The following SLC26A7 variants were observed in gnomAD, a reference collection of about 807,000 sequenced individuals.
SLC26A7 encodes the protein solute carrier family 26 member 7.
In SLC26A7, 59 loss-of-function variants were observed where a neutral mutation model predicts 82.5. The observed-to-expected ratio is 0.72, with a 90% CI of 0.58 to 0.89. The LOEUF (loss-of-function observed/expected upper bound fraction) is 0.89. Ranked by LOEUF, SLC26A7 falls within the 40% of genes least tolerant of loss-of-function variation. SLC26A7 has a pLI of 0.00. For missense variants in SLC26A7, 820 were observed against 793.0 expected, an observed-to-expected ratio of 1.03 and a Z score of -0.41; for synonymous variants, 271 against 274.3, an observed-to-expected ratio of 0.99 and a Z score of 0.12.
At chr8:91,341,093 C>T (rs910771510) in intron 8 of SLC26A7, among the ~76,000 whole-genome samples, 5 of 151,730 alleles carry the variant, frequency 3.3e-5, no homozygotes, top group African/African-American at 9.7e-5. Flanking sequence ...CCCACTAACT[C>T]GTCATCTAGC....
chr8:91,389,240 TA>T, intron 15 of SLC26A7, 97 bp from the exon 16 acceptor site: 3 of 759,904 alleles, frequency 3.9e-6, no homozygotes, highest in Non-Finnish European at 6.9e-6. Flanking sequence ...TTACTGTTGT[TA>T]AACATGAGGC....
rs578151183 is a variant in SLC26A7, at chr8:91,318,473, A to G, written c.642+93A>G. 3.9e-5 allele frequency: 46 copies of G among 1,169,848 alleles called. No homozygotes were observed. The African/African-American group carries it at 5.5e-4, about 14-fold the overall frequency. 72.5% of individuals were successfully genotyped at this position (1,169,848 alleles called of 1,614,324 possible). ...AATTATAGTACTGAGATTTTTCTGT[A>G]TTAAAGCAACTTGGGTTTAAATAAA... is the stretch of plus-strand genomic sequence containing the variant. On this transcript the variant is annotated intron_variant, in intron 5 of 18. Transcript: ENST00000276609.
intron 4 of SLC26A7, among the ~76,000 whole-genome samples, chr8:91,312,996 C>A (rs964802081): frequency 6.6e-6 from 1 of 151,992 alleles, no homozygotes; most frequent in Non-Finnish European, 1.5e-5. Context: ...AAAGTTTTCA[C>A]GAAGCCCAAT....
At chr8:91,358,779 T>C (rs967100128) in intron 11 of SLC26A7, among the ~76,000 whole-genome samples, 2 of 152,214 alleles carry the variant, frequency 1.3e-5, no homozygotes, top group East Asian at 3.9e-4. Context: ...ATGTCCTTTG[T>C]AGGGACATGG....
chr8:91,373,801 A>G (rs79945215), intron 15 of SLC26A7, among the ~76,000 whole-genome samples: 5,132 of 152,096 alleles, frequency 0.034, 309 homozygotes, highest in African/African-American at 0.12. Flanking sequence ...TGAGCTTGGC[A>G]CTAGCTCTTC....
intron 9 of SLC26A7, among the ~76,000 whole-genome samples, chr8:91,350,181 GA>G (rs1178143627): frequency 1.3e-5 from 2 of 152,048 alleles, no homozygotes; most frequent in Non-Finnish European, 2.9e-5. Context: ...TGCCAACAGG[GA>G]AAGGCCTTGA....
intron 4 of SLC26A7, among the ~76,000 whole-genome samples, chr8:91,305,877 C>T (rs1432095734): frequency 6.6e-6 from 1 of 152,080 alleles, no homozygotes; most frequent in Non-Finnish European, 1.5e-5. Flanking sequence ...TCCTGTTATA[C>T]CAACACTTTA....
intron 1 of SLC26A7, among the ~76,000 whole-genome samples, chr8:91,217,050 C>T (rs1382981689): frequency 6.6e-6 from 1 of 152,070 alleles, no homozygotes; most frequent in Non-Finnish European, 1.5e-5. Flanking sequence ...TATGGTGTCT[C>T]CTGTCTCTGC....
chr8:91,266,387 G>C (rs1811113475), intron 2 of SLC26A7, among the ~76,000 whole-genome samples: 1 of 151,398 alleles, frequency 6.6e-6, no homozygotes, highest in Admixed American at 6.6e-5. Flanking sequence ...CCTTTTATTT[G>C]GGTCTTCTTC....
intron 9 of SLC26A7, among the ~76,000 whole-genome samples, chr8:91,346,873 T>C (rs1813577854): frequency 6.6e-6 from 1 of 152,176 alleles, no homozygotes; most frequent in Non-Finnish European, 1.5e-5. Flanking sequence ...TGAGGCTGCC[T>C]TTCCCTTCCT....
At chr8:91,313,086 T>C (rs895495142) in intron 4 of SLC26A7, among the ~76,000 whole-genome samples, 1 of 152,178 alleles carries the variant, frequency 6.6e-6, no homozygotes, top group African/African-American at 2.4e-5. Context: ...ATGCTTTTGC[T>C]CCATGTTTTC....
chr8:91,227,838 CGTT>C (rs1195476647), intron 2 of SLC26A7, among the ~76,000 whole-genome samples: 2 of 152,102 alleles, frequency 1.3e-5, no homozygotes, highest in East Asian at 1.9e-4. Flanking sequence ...TTGAAACTCT[CGTT>C]GGTATTTCTT....
chr8:91,320,301 G>T (rs1812756492), intron 5 of SLC26A7, among the ~76,000 whole-genome samples: 1 of 152,094 alleles, frequency 6.6e-6, no homozygotes, highest in African/African-American at 2.4e-5. Context: ...AAACTTTACG[G>T]TGAAACGGAA....
intron 2 of SLC26A7, among the ~76,000 whole-genome samples, chr8:91,259,698 C>A (rs1392602055): frequency 6.6e-6 from 1 of 152,050 alleles, no homozygotes; most frequent in Non-Finnish European, 1.5e-5. Flanking sequence ...GGTATTTCCT[C>A]TAAAATGAAT....
chr8:91,322,296 A>G (rs1022478814), intron 5 of SLC26A7, among the ~76,000 whole-genome samples: 2 of 152,100 alleles, frequency 1.3e-5, no homozygotes, highest in South Asian at 2.1e-4. Flanking sequence ...TTCAACTCAA[A>G]TCTCCCTCAG....
At chr8:91,299,239 T>C (rs530286217) in intron 4 of SLC26A7, among the ~76,000 whole-genome samples, 1 of 152,306 alleles carries the variant, frequency 6.6e-6, no homozygotes, top group Admixed American at 6.5e-5. Flanking sequence ...GTTGAAAGTA[T>C]TTCCTTCTAA....
chr8:91,290,646 A>G (rs1811838893), intron 3 of SLC26A7, among the ~76,000 whole-genome samples: 1 of 152,298 alleles, frequency 6.6e-6, no homozygotes, highest in Middle Eastern at 3.4e-3. Flanking sequence ...TTCTTATTTT[A>G]AGATCAGCTG....
At chr8:91,243,556 A>G (rs1212175927) in intron 2 of SLC26A7, among the ~76,000 whole-genome samples, 1 of 152,184 alleles carries the variant, frequency 6.6e-6, no homozygotes, top group African/African-American at 2.4e-5. Context: ...GCAGAGTACC[A>G]GAGAGAGGAG....
intron 2 of SLC26A7, among the ~76,000 whole-genome samples, chr8:91,229,701 A>G (rs1374617141): frequency 6.6e-6 from 1 of 152,206 alleles, no homozygotes; most frequent in Non-Finnish European, 1.5e-5. Context: ...TTTGGCAAAT[A>G]CATTCCCAAA....
Sources: allele counts gnomAD v4.1 joint callset (sites outside exome capture counted in the v4.1 genomes callset), GRCh38; gene constraint gnomAD v4.1.1; transcripts MANE v1.5; gene names NCBI Gene and HGNC (gene_info 2026-07-23, HGNC 2026-07-21).